Variants in GALNT18 observed in about 807,000 individuals in gnomAD.
The protein encoded by GALNT18 is GalNAc-transferase 18.
In GALNT18, 44 loss-of-function variants were observed where a neutral mutation model predicts 69.5. That is an observed-to-expected ratio of 0.63 (90% CI 0.50 to 0.81). The LOEUF (loss-of-function observed/expected upper bound fraction) is 0.81. Among genes scored for constraint, GALNT18 ranks in the 40% least tolerant of loss-of-function variants. GALNT18 has a pLI of 0.00. For synonymous variants in GALNT18, 364 were observed against 318.2 expected, an observed-to-expected ratio of 1.14 and a Z score of -1.53; for missense variants, 715 against 810.0, an observed-to-expected ratio of 0.88 and a Z score of 1.42.
intron 9 of GALNT18, among the ~76,000 whole-genome samples, chr11:11,323,430 T>C (rs1301164458): frequency 6.6e-6 from 1 of 152,204 alleles, no homozygotes; most frequent in African/African-American, 2.4e-5. Flanking sequence ...GTTCAAAATC[T>C]CAGCAAGTCA....
At position 11,540,291 on chromosome 11, in the gene GALNT18, T is replaced by C. The variant is rs1288172554; in HGVS notation, c.235+81068A>G. 1.3e-5 allele frequency among the ~76,000 whole-genome samples: 2 copies of C among 152,188 alleles called. No homozygotes were observed. The highest frequency in any genetic ancestry group is 4.8e-5 in the African/African-American group (2 of 41,430). On this transcript the variant is annotated intron_variant, in intron 1 of 10. Coordinates refer to ENST00000227756, the MANE Select transcript of GALNT18 (RefSeq NM_198516.3). This position sits in a 1 kb window ranked among gnomAD's most constrained non-coding sequence, Gnocchi z 4.6. ...AACTTTGTTGAAGGGCCCTGGAAGG[T>C]GCAGGATAAATGTTTTTCTTCGTCG... is the stretch of plus-strand genomic sequence containing the variant.
chr11:11,486,102 C>G (rs1349752326), intron 1 of GALNT18, among the ~76,000 whole-genome samples: 2 of 152,184 alleles, frequency 1.3e-5, no homozygotes, highest in African/African-American at 4.8e-5. Context: ...AAGGACTCAG[C>G]ATGCTGGAAG....
intron 3 of GALNT18, among the ~76,000 whole-genome samples, chr11:11,403,035 C>T (rs917324952): frequency 7.9e-5 from 12 of 152,140 alleles, no homozygotes; most frequent in East Asian, 1.9e-4. Context: ...GAAGGAATGA[C>T]GCTCCAGCAT....
rs956717740 is a variant in GALNT18 at position 11,314,971 on chromosome 11, G to A, written c.1512+12115C>T. Among the ~76,000 whole-genome samples, 3 of 152,110 alleles carry A rather than the reference G, an allele frequency of 2.0e-5. No homozygotes were observed. Among genetic ancestry groups the A allele is most frequent in the African/African-American group, 4.8e-5 (2 of 41,400 alleles). ...AGCCAAATGAGGATAAGCTGGCAAG[G>A]TGGTTTTAAGATTACATCAACTGAC... is the stretch of plus-strand genomic sequence containing the variant. On this transcript the variant is annotated intron_variant, in intron 9 of 10. Transcript: ENST00000227756. The surrounding 1 kb of genome is among the most constrained non-coding windows in gnomAD (Gnocchi z 5.2).
At chr11:11,329,138 T>C (rs1849976477) in intron 8 of GALNT18, among the ~76,000 whole-genome samples, 1 of 152,194 alleles carries the variant, frequency 6.6e-6, no homozygotes, top group African/African-American at 2.4e-5. Flanking sequence ...ATAATAATAG[T>C]GCCTACCTCA....
In GALNT18 at chr11:11,601,715, A is replaced by G. The variant is rs967707058; in HGVS notation, c.235+19644T>C. Reference sequence around the variant, plus strand: ...CTCTTTCTTTGATTATGTCTGTTAAACTACAGTAAGTCCTCACTTAACATC... The same window carrying G: ...CTCTTTCTTTGATTATGTCTGTTAAGCTACAGTAAGTCCTCACTTAACATC... On this transcript the variant is annotated intron_variant, in intron 1 of 10. Coordinates refer to ENST00000227756, the MANE Select transcript of GALNT18 (RefSeq NM_198516.3). This position sits in a 1 kb window ranked among gnomAD's most constrained non-coding sequence, Gnocchi z 4.0. Among the ~76,000 whole-genome samples the G allele has an allele frequency of 8.5e-5, 13 of 152,204 alleles. No homozygotes were observed. Among genetic ancestry groups the G allele is most frequent in the African/African-American group, 3.1e-4 (13 of 41,452 alleles).
At position 11,583,408 on chromosome 11, in the gene GALNT18, A is replaced by G. The variant is rs1859133954; in HGVS notation, c.235+37951T>C. The stretch of plus-strand genomic sequence containing the variant: ...TACATAGGAGGAGCTCAATTCATAC[A>G]TTCTGAATGAATGAAGAAATGTAGA... On this transcript the variant is annotated intron_variant, in intron 1 of 10. Coordinates refer to ENST00000227756, the MANE Select transcript of GALNT18 (RefSeq NM_198516.3). The surrounding 1 kb of genome is among the most constrained non-coding windows in gnomAD (Gnocchi z 4.7). 6.6e-6 allele frequency among the ~76,000 whole-genome samples: 1 copy of G among 152,314 alleles called. No individual in the cohort carries two copies. The highest frequency in any genetic ancestry group is 6.5e-5 in the Admixed American group (1 of 15,304).
At chr11:11,285,090 G>A (rs1030279196) in intron 10 of GALNT18, among the ~76,000 whole-genome samples, 3 of 151,934 alleles carry the variant, frequency 2.0e-5, no homozygotes, top group African/African-American at 7.3e-5. Context: ...AGGATGGCTG[G>A]AGGGAGTTTG....
At position 11,595,168 on chromosome 11, in the gene GALNT18, A is replaced by G. The variant is rs1485660433; in HGVS notation, c.235+26191T>C. Among the ~76,000 whole-genome samples the G allele has an allele frequency of 6.6e-6, 1 of 151,866 alleles. No homozygotes were observed. The highest frequency in any genetic ancestry group is 1.5e-5 in the Non-Finnish European group (1 of 67,990). On this transcript the variant is annotated intron_variant, in intron 1 of 10. Transcript: ENST00000227756. The surrounding 1 kb of genome is among the most constrained non-coding windows in gnomAD (Gnocchi z 5.2). The stretch of plus-strand genomic sequence containing the variant: ...ATATTTTGCTATGATCTGAATGTTT[A>G]TTTTGCCCCAAAATTCATATGTTGA...
chr11:11,431,812 C>T (rs140616242), intron 3 of GALNT18, among the ~76,000 whole-genome samples: 382 of 152,248 alleles, frequency 2.5e-3, no homozygotes, highest in African/African-American at 8.6e-3. Flanking sequence ...TACAGTGACC[C>T]AGCAGTCTAT....
At chr11:11,342,123 G>A (rs74347978) in intron 6 of GALNT18, among the ~76,000 whole-genome samples, 31 of 152,160 alleles carry the variant, frequency 2.0e-4, no homozygotes, top group Middle Eastern at 3.4e-3. Context: ...CTCACTGATC[G>A]TGTATTCCTG....
chr11:11,554,087 T>C (rs1162378002), intron 1 of GALNT18, among the ~76,000 whole-genome samples: 1 of 152,124 alleles, frequency 6.6e-6, no homozygotes. Context: ...GAGTGATGCG[T>C]CCTCCCCGGT....
chr11:11,565,467 T>C (rs1858623613), intron 1 of GALNT18, among the ~76,000 whole-genome samples: 1 of 152,094 alleles, frequency 6.6e-6, no homozygotes. Flanking sequence ...ATTAGATTGA[T>C]CTAAGGCCTC....
chr11:11,553,759 C>T (rs1054087833), intron 1 of GALNT18, among the ~76,000 whole-genome samples: 3 of 152,128 alleles, frequency 2.0e-5, no homozygotes, highest in African/African-American at 7.2e-5. Context: ...TCCAAGTGGT[C>T]CTCTCTTTAA....
Position 11,389,263 on chromosome 11 carries a change from G to A in GALNT18, c.596-9999C>T, listed in dbSNP as rs947385922. 4.6e-5 allele frequency among the ~76,000 whole-genome samples: 7 copies of A among 152,210 alleles called. No individual in the cohort carries two copies. Among genetic ancestry groups the A allele is most frequent in the African/African-American group, 1.7e-4 (7 of 41,450 alleles). On this transcript the variant is annotated intron_variant, in intron 3 of 10. Transcript: ENST00000227756. The surrounding 1 kb of genome is among the most constrained non-coding windows in gnomAD (Gnocchi z 4.3). ...TTTCCAGTCTGTCCAGCAGCCTTCC[G>A]AAGGAGTCAGCTTTGTAGGCTCAAC...
chr11:11,292,583 C>T (rs1214889464), intron 10 of GALNT18, among the ~76,000 whole-genome samples: 2 of 152,124 alleles, frequency 1.3e-5, no homozygotes, highest in African/African-American at 4.8e-5. Flanking sequence ...GCACTGTCTA[C>T]ATCTGGGAGA....
chr11:11,291,014 T>A (rs1849287137), intron 10 of GALNT18, among the ~76,000 whole-genome samples: 1 of 152,216 alleles, frequency 6.6e-6, no homozygotes, highest in South Asian at 2.1e-4. Flanking sequence ...TCACTGGGCA[T>A]ATACCTAACT....
chr11:11,590,162 A>C lies in GALNT18; in HGVS notation c.235+31197T>G, dbSNP rs1859321031. ...GGAAACCAGGTAGACTACATTTCCC[A>C]GCTTCCCTTGCAGTCAGCGGCTGCT... On this transcript the variant is annotated intron_variant, in intron 1 of 10. Transcript: ENST00000227756. The surrounding 1 kb of genome is among the most constrained non-coding windows in gnomAD (Gnocchi z 4.4). Among the ~76,000 whole-genome samples the C allele has an allele frequency of 6.6e-6, 1 of 152,230 alleles. No individual in the cohort carries two copies. Among genetic ancestry groups the C allele is most frequent in the Non-Finnish European group, 1.5e-5 (1 of 68,042 alleles).
intron 3 of GALNT18, among the ~76,000 whole-genome samples, chr11:11,397,114 G>A (rs1000524338): frequency 1.3e-5 from 2 of 152,104 alleles, no homozygotes; most frequent in African/African-American, 4.8e-5. Context: ...GACCACCCAT[G>A]GTTCTCCTAG....
Sources: gnomAD v4.1 joint callset for allele counts (sites outside exome capture counted in the v4.1 genomes callset) on GRCh38, gnomAD v4.1.1 for gene constraint, Gnocchi (gnomAD v3.1) non-coding constraint, MANE v1.5 for transcripts, NCBI Gene and HGNC (gene_info 2026-07-23, HGNC 2026-07-21) for gene names.